Variants in ITGAV observed in about 807,000 individuals in gnomAD.
The protein encoded by ITGAV is integrin subunit alpha V.
In ITGAV, 76 loss-of-function variants were observed where a neutral mutation model predicts 143.8. That is an observed-to-expected ratio of 0.53 (90% confidence interval 0.44 to 0.64). ITGAV has a LOEUF of 0.64. ITGAV is among the 30% of genes least tolerant of loss of function. The pLI is 0.00. For synonymous variants in ITGAV, 453 were observed against 446.7 expected, an observed-to-expected ratio of 1.01 and a Z score of -0.18; for missense variants, 1,193 against 1,274.7, an observed-to-expected ratio of 0.94 and a Z score of 0.98.
At chr2:186,592,299 C>G (rs1686635043) in intron 1 of ITGAV, among the ~76,000 whole-genome samples, 1 of 152,094 alleles carries the variant, frequency 6.6e-6, no homozygotes, top group South Asian at 2.1e-4. Context: ...ATTAACCGGG[C>G]ATGGTGGTGC....
chr2:186,604,029 A>G (rs1461838529), intron 2 of ITGAV, among the ~76,000 whole-genome samples: 1 of 151,598 alleles, frequency 6.6e-6, no homozygotes. Flanking sequence ...CAGCCCGGCT[A>G]GTTTTTATGT....
intron 8 of ITGAV, 145 bp downstream of exon 8, chr2:186,637,254 G>C (rs1687970844): frequency 1.5e-6 from 1 of 664,752 alleles, no homozygotes; most frequent in African/African-American, 1.8e-5. Context: ...GGCTGAGGCG[G>C]GTGGATCCCT....
At chr2:186,657,059 A>AC (rs1688611737) in intron 17 of ITGAV, among the ~76,000 whole-genome samples, 1 of 151,924 alleles carries the variant, frequency 6.6e-6, no homozygotes, top group African/African-American at 2.4e-5. Context: ...TTTTAGACCC[A>AC]CAAAGACCAG....
chr2:186,669,033 G>A, intron 25 of ITGAV, 113 bp downstream of exon 25: 3 of 932,922 alleles, frequency 3.2e-6, no homozygotes, highest in Non-Finnish European at 3.2e-6. Flanking sequence ...AACCCACTCT[G>A]CAAAAAATGG....
chr2:186,608,791 G>T (rs986076496), intron 2 of ITGAV, among the ~76,000 whole-genome samples: 25 of 152,146 alleles, frequency 1.6e-4, no homozygotes, highest in African/African-American at 5.8e-4. Flanking sequence ...AAAAGTAATA[G>T]AAATAGACTC....
chr2:186,616,548 G>C (rs1419564775), intron 2 of ITGAV, among the ~76,000 whole-genome samples: 4 of 151,842 alleles, frequency 2.6e-5, no homozygotes, highest in Admixed American at 2.0e-4. Context: ...AAAGTGCTGG[G>C]ATTACAGGCG....
intron 6 of ITGAV, among the ~76,000 whole-genome samples, chr2:186,635,450 G>A (rs1349533844): frequency 6.6e-6 from 1 of 152,148 alleles, no homozygotes. Context: ...TGAACAGATG[G>A]GAACAGGACT....
Position 186,663,841 on chromosome 2 carries a change from T to C in ITGAV, c.1925+6T>C. On this transcript the variant is annotated splice_donor_region_variant and intron_variant, in intron 19 of 29. Transcript: ENST00000261023. ...CTGGAAGTTTCTGTAGATAGGTAAGTTTTGCTTGAAATAATAATGTAGTAA... is the reference window on the plus strand; with the variant it reads ...CTGGAAGTTTCTGTAGATAGGTAAGCTTTGCTTGAAATAATAATGTAGTAA... 6.3e-7 allele frequency: 1 copy of C among 1,596,088 alleles called. No individual in the cohort carries two copies. The highest frequency in any genetic ancestry group is 8.6e-7 in the Non-Finnish European group (1 of 1,164,212).
chr2:186,597,356 A>T (rs1167526675), intron 1 of ITGAV, among the ~76,000 whole-genome samples: 1 of 152,180 alleles, frequency 6.6e-6, no homozygotes, highest in African/African-American at 2.4e-5. Flanking sequence ...AATTTAAATA[A>T]TTGGATGTTT....
In ITGAV at chr2:186,590,322, C is replaced by A. The variant is rs762823360; in HGVS notation, c.-17C>A. On this transcript the variant is annotated 5_prime_UTR_variant, in exon 1 of 30. Coordinates refer to ENST00000261023, the MANE Select transcript of ITGAV (RefSeq NM_002210.5). ...TGGCTACCGCTCCCGGCTTGGCGTC[C>A]CGCGCGCACTTCGGCGATGGCTTTT... is the stretch of plus-strand genomic sequence containing the variant. 1 of 1,558,808 alleles carries A rather than the reference C, an allele frequency of 6.4e-7. No individual in the cohort carries two copies. Among genetic ancestry groups the A allele is most frequent in the Non-Finnish European group, 8.6e-7 (1 of 1,156,364 alleles).
At chr2:186,655,866 A>C (rs551396349) in intron 16 of ITGAV, among the ~76,000 whole-genome samples, 1 of 152,274 alleles carries the variant, frequency 6.6e-6, no homozygotes, top group African/African-American at 2.4e-5. Context: ...ATACTTCTTA[A>C]TCAAAATCAG....
rs1490333856 is a variant in ITGAV, at chr2:186,638,485, T to G, written c.903+20T>G. The G allele has an allele frequency of 6.3e-7, 1 of 1,595,830 alleles. No homozygotes were observed. The highest frequency in any genetic ancestry group is 1.7e-5 in the Admixed American group (1 of 59,902). On this transcript the variant is annotated intron_variant, in intron 10 of 29. Coordinates refer to ENST00000261023, the MANE Select transcript of ITGAV (RefSeq NM_002210.5). ...GAGCAGGTATGCTTCCAAAATATGA[T>G]CGTCCTCTCCCACTATAAAAGCAGT...
At chr2:186,654,050 C>T (rs572849738) in intron 15 of ITGAV, among the ~76,000 whole-genome samples, 10 of 152,070 alleles carry the variant, frequency 6.6e-5, no homozygotes, top group South Asian at 6.2e-4. Flanking sequence ...AAATCTGAAC[C>T]GTTGGCTAGG....
intron 17 of ITGAV, among the ~76,000 whole-genome samples, chr2:186,657,460 T>C (rs572280766): frequency 1.3e-5 from 2 of 152,234 alleles, no homozygotes; most frequent in Non-Finnish European, 2.9e-5. Flanking sequence ...CAACTGGGAA[T>C]TGGGAAGTGT....
Position 186,658,924 on chromosome 2 carries a change from G to A in ITGAV, c.1720-114G>A, listed in dbSNP as rs61762058. The A allele has an allele frequency of 3.7e-4, 227 of 605,892 alleles. 1 individual carries two copies. The highest frequency in any genetic ancestry group is 3.7e-3 in the African/African-American group (195 of 53,092). The allele number at this position is 605,892 out of a possible 1,614,324, so 37.5% of individuals were successfully genotyped here. On this transcript the variant is annotated intron_variant, in intron 17 of 29. Transcript: ENST00000261023. ...TAAGTATAATTTTCCAGAGAATGTTGTTAGAATTGAAGGCTCAGGGATGAA... is the reference window on the plus strand; with the variant it reads ...TAAGTATAATTTTCCAGAGAATGTTATTAGAATTGAAGGCTCAGGGATGAA...
intron 3 of ITGAV, among the ~76,000 whole-genome samples, chr2:186,624,578 T>C (rs1374208646): frequency 6.6e-6 from 1 of 152,210 alleles, no homozygotes; most frequent in Non-Finnish European, 1.5e-5. Context: ...AGTATTGATG[T>C]TCTGCAGTGC....
intron 1 of ITGAV, among the ~76,000 whole-genome samples, chr2:186,595,752 A>G (rs1686733583): frequency 6.6e-6 from 1 of 152,096 alleles, no homozygotes; most frequent in Admixed American, 6.6e-5. Flanking sequence ...TTGGAGGGAA[A>G]TGGAGTCTAT....
chr2:186,600,279 C>G, intron 1 of ITGAV: 8 of 1,497,572 alleles, frequency 5.3e-6, no homozygotes, highest in Non-Finnish European at 7.3e-6. Context: ...CCCTCCATCT[C>G]TTCATTCCAC....
At chr2:186,599,893 A>G (rs543976892) in intron 1 of ITGAV, among the ~76,000 whole-genome samples, 19 of 152,084 alleles carry the variant, frequency 1.2e-4, no homozygotes, top group African/African-American at 2.2e-4. Context: ...TCCATCTGTC[A>G]CCTATCTTTC....
Sources: allele counts gnomAD v4.1 joint callset (sites outside exome capture counted in the v4.1 genomes callset), GRCh38; gene constraint gnomAD v4.1.1; transcripts MANE v1.5; gene names NCBI Gene and HGNC (gene_info 2026-07-23, HGNC 2026-07-21).